CDH23: variants seen among roughly 807,000 people sequenced by gnomAD.
CDH23 encodes the protein cadherin related 23.
Under a neutral mutation model 317.1 loss-of-function variants are expected in CDH23, and 189 were observed. The observed-to-expected ratio is 0.60, with a 90% CI of 0.53 to 0.67. The LOEUF is 0.67. Ranked by LOEUF, CDH23 falls within the 30% of genes least tolerant of loss-of-function variation. The pLI, the probability that CDH23 is intolerant of heterozygous loss-of-function variation, is 0.00. For synonymous variants in CDH23, 1,839 were observed against 1,876.8 expected, an observed-to-expected ratio of 0.98 and a Z score of 0.52; for missense variants, 4,401 against 4,592.4, an observed-to-expected ratio of 0.96 and a Z score of 1.20.
intron 14 of CDH23, among the ~76,000 whole-genome samples, chr10:71,647,411 C>T (rs1411777929): frequency 2.6e-5 from 4 of 151,822 alleles, no homozygotes; most frequent in African/African-American, 9.7e-5. Flanking sequence ...TGCAGTGAGC[C>T]GAGATTGTGT....
At chr10:71,631,657 T>G (rs1862019833) in intron 11 of CDH23, among the ~76,000 whole-genome samples, 2 of 152,240 alleles carry the variant, frequency 1.3e-5, no homozygotes, top group Non-Finnish European at 2.9e-5. Flanking sequence ...GGATTTGTTT[T>G]TCTTTTCTTA....
At chr10:71,668,647 G>A (rs1864012091) in intron 14 of CDH23, among the ~76,000 whole-genome samples, 1 of 152,216 alleles carries the variant, frequency 6.6e-6, no homozygotes, top group African/African-American at 2.4e-5. Flanking sequence ...TGCAGGAAAT[G>A]CTTGGTAAAT....
At chr10:71,791,050 T>G in intron 46 of CDH23, 82 bp from the exon 47 acceptor site, 1 of 1,085,752 alleles carries the variant, frequency 9.2e-7, no homozygotes, top group Non-Finnish European at 1.3e-6. Context: ...CTTTCTCTGC[T>G]CTCTCCCTGT....
intron 30 of CDH23, among the ~76,000 whole-genome samples, chr10:71,729,163 G>A (rs553893388): frequency 1.5e-4 from 23 of 152,290 alleles, no homozygotes; most frequent in African/African-American, 4.1e-4. Flanking sequence ...ACTGTATTAC[G>A]TTCATGATGT....
chr10:71,636,174 A>T (rs1317690453), intron 11 of CDH23, among the ~76,000 whole-genome samples: 1 of 152,084 alleles, frequency 6.6e-6, no homozygotes, highest in Non-Finnish European at 1.5e-5. Flanking sequence ...GAGGAGAGAG[A>T]ATCAGGAGAA....
intron 6 of CDH23, among the ~76,000 whole-genome samples, chr10:71,521,819 C>T (rs759404772): frequency 2.6e-5 from 4 of 152,186 alleles, no homozygotes; most frequent in Non-Finnish European, 4.4e-5. Context: ...CCCACCCATC[C>T]GAGCTTCTAA....
At chr10:71,733,722 G>T (rs1380429229) in intron 32 of CDH23, among the ~76,000 whole-genome samples, 2 of 152,198 alleles carry the variant, frequency 1.3e-5, no homozygotes, top group East Asian at 1.9e-4. Flanking sequence ...TTAGCTAGTT[G>T]TCTGGTACAC....
chr10:71,423,691 C>G (rs765624855), intron 1 of CDH23, among the ~76,000 whole-genome samples: 3 of 152,290 alleles, frequency 2.0e-5, no homozygotes, highest in Non-Finnish European at 1.5e-5. Context: ...ATACTGGGGC[C>G]TCAGCACTGC....
chr10:71,462,346 C>T (rs1304007775), intron 3 of CDH23, among the ~76,000 whole-genome samples: 1 of 152,172 alleles, frequency 6.6e-6, no homozygotes, highest in Non-Finnish European at 1.5e-5. Context: ...GAACTGTCTC[C>T]CTCTTCAGGC....
chr10:71,427,201 G>C (rs1385283640), intron 1 of CDH23, among the ~76,000 whole-genome samples: 1 of 65,746 alleles, frequency 1.5e-5, no homozygotes, highest in Non-Finnish European at 3.2e-5. Flanking sequence ...GAAAGAGAAA[G>C]AAAGAAAGAA....
At chr10:71,621,874 T>C (rs947738613) in intron 11 of CDH23, among the ~76,000 whole-genome samples, 2 of 152,190 alleles carry the variant, frequency 1.3e-5, no homozygotes, top group Non-Finnish European at 2.9e-5. Flanking sequence ...CAAGTCTCAC[T>C]GAGTAATTTC....
chr10:71,438,995 G>A (rs1338131078), intron 1 of CDH23, among the ~76,000 whole-genome samples: 3 of 152,166 alleles, frequency 2.0e-5, no homozygotes, highest in African/African-American at 7.2e-5. Flanking sequence ...CTCCTGAGCC[G>A]CTGGAGGACC....
intron 1 of CDH23, among the ~76,000 whole-genome samples, chr10:71,408,181 A>G (rs1025567164): frequency 2.0e-5 from 3 of 152,120 alleles, no homozygotes; most frequent in African/African-American, 7.2e-5. Flanking sequence ...ACAATTTGAC[A>G]TCCATCTTTT....
intron 9 of CDH23, among the ~76,000 whole-genome samples, chr10:71,607,987 A>G (rs1860630123): frequency 6.6e-6 from 1 of 152,252 alleles, no homozygotes; most frequent in Non-Finnish European, 1.5e-5. Flanking sequence ...GTCAGGCACC[A>G]CAATAAGTGC....
intron 1 of CDH23, among the ~76,000 whole-genome samples, chr10:71,402,579 A>G (rs543865334): frequency 2.6e-5 from 4 of 152,228 alleles, no homozygotes; most frequent in Admixed American, 1.3e-4. Context: ...TGCAAAATGT[A>G]GTAGCTTTTA....
intron 22 of CDH23, among the ~76,000 whole-genome samples, chr10:71,699,254 C>A (rs1589347410): frequency 6.6e-6 from 1 of 152,350 alleles, no homozygotes; most frequent in East Asian, 1.9e-4. Flanking sequence ...CTTTCCCCTA[C>A]CCCCTAGCTC....
At chr10:71,594,339 T>TTC (rs1004455575) in intron 9 of CDH23, among the ~76,000 whole-genome samples, 33 of 151,262 alleles carry the variant, frequency 2.2e-4, no homozygotes, top group Middle Eastern at 3.4e-3. Context: ...GTTTCTTTCT[T>TTC]TCTCTCTCTC....
rs779602598 is a variant in CDH23, at chr10:71,793,453, C to A, written c.6525C>A (p.Leu2175=). The change falls in exon 48 of 70, where the codon CTC becomes CTA. Residue 2175 remains leucine, a synonymous_variant. Transcript: ENST00000224721. ...DDINDSRPEF[L]NPIQTVSVLE... ...TCAATGACTCCCGCCCCGAGTTCCT[C>A]AACCCCATCCAGACAGTGAGCGTGC... 7.4e-6 allele frequency: 12 copies of A among 1,614,012 alleles called. No homozygotes were observed. Among genetic ancestry groups the A allele is most frequent in the Non-Finnish European group, 9.3e-6 (11 of 1,179,894 alleles).
chr10:71,704,429 T>C (rs1260393173), intron 24 of CDH23, among the ~76,000 whole-genome samples: 2 of 152,112 alleles, frequency 1.3e-5, no homozygotes, highest in Admixed American at 1.3e-4. Flanking sequence ...TCAAGTGACT[T>C]TTAAAAAAGA....
Sources: allele counts gnomAD v4.1 joint callset (sites outside exome capture counted in the v4.1 genomes callset), GRCh38; gene constraint gnomAD v4.1.1; transcripts MANE v1.5; gene names NCBI Gene and HGNC (gene_info 2026-07-23, HGNC 2026-07-21).